ATP8A2: variants seen among roughly 807,000 people sequenced by gnomAD.
The protein encoded by ATP8A2 is phospholipid-transporting ATPase IB.
In ATP8A2, 100 loss-of-function variants were observed where a neutral mutation model predicts 165.6. The observed-to-expected ratio is 0.60, with a 90% CI of 0.51 to 0.71. The LOEUF is 0.71. Ranked by LOEUF, ATP8A2 falls within the 30% of genes least tolerant of loss-of-function variation. ATP8A2 has a pLI of 0.00. For missense variants in ATP8A2, 1,227 were observed against 1,479.5 expected, an observed-to-expected ratio of 0.83 and a Z score of 2.80; for synonymous variants, 543 against 548.8, an observed-to-expected ratio of 0.99 and a Z score of 0.15.
chr13:25,752,433 G>C (rs1731868553), intron 25 of ATP8A2, among the ~76,000 whole-genome samples: 1 of 152,006 alleles, frequency 6.6e-6, no homozygotes, highest in African/African-American at 2.4e-5. Flanking sequence ...ACTCCAGCCG[G>C]GGCGACAGAG....
chr13:25,667,760 T>C (rs764312552), intron 24 of ATP8A2, among the ~76,000 whole-genome samples: 3 of 151,088 alleles, frequency 2.0e-5, no homozygotes, highest in Non-Finnish European at 4.4e-5. Flanking sequence ...TAATACTGCT[T>C]TCTTTTGTGT....
At chr13:25,383,379 A>ACTTTG (rs2032925238) in intron 1 of ATP8A2, among the ~76,000 whole-genome samples, 1 of 152,238 alleles carries the variant, frequency 6.6e-6, no homozygotes, top group African/African-American at 2.4e-5. Context: ...CTGGGATTAC[A>ACTTTG]GGCGTGTGCC....
Position 25,429,021 on chromosome 13 carries a change from T to C in ATP8A2, c.77-39956T>C, listed in dbSNP as rs540714498. ...AGGGAGGCTGAAGATTCCTAAGAGA[T>C]AGTGAGTGCTATCTGCTGCCATACC... On this transcript the variant is annotated intron_variant, in intron 1 of 36. Coordinates refer to ENST00000381655, the MANE Select transcript of ATP8A2 (RefSeq NM_016529.6). Among the ~76,000 whole-genome samples, 8 of 151,556 alleles carry C rather than the reference T, an allele frequency of 5.3e-5. No individual in the cohort carries two copies. In the East Asian group the frequency reaches 9.7e-4, roughly 18 times the overall value.
At chr13:25,594,625 T>A (rs1488511712) in intron 24 of ATP8A2, among the ~76,000 whole-genome samples, 1 of 152,142 alleles carries the variant, frequency 6.6e-6, no homozygotes, top group East Asian at 1.9e-4. Context: ...TGCCTTTGCA[T>A]CCTCATAGCT....
intron 2 of ATP8A2, among the ~76,000 whole-genome samples, chr13:25,527,613 C>G (rs1258676264): frequency 5.3e-5 from 8 of 152,192 alleles, no homozygotes; most frequent in South Asian, 2.1e-4. Context: ...CATGCTTACT[C>G]TATCTCAGGA....
chr13:25,877,056 C>T (rs1312151872), intron 33 of ATP8A2, among the ~76,000 whole-genome samples: 1 of 150,976 alleles, frequency 6.6e-6, no homozygotes, highest in Non-Finnish European at 1.5e-5. Context: ...ATCCTTTTTT[C>T]CCCTCAATGT....
At chr13:25,979,756 C>G (rs1956140504) in intron 35 of ATP8A2, among the ~76,000 whole-genome samples, 1 of 152,158 alleles carries the variant, frequency 6.6e-6, no homozygotes, top group Admixed American at 6.5e-5. Context: ...TAGTGGGAGA[C>G]AGTGAGTGGT....
intron 25 of ATP8A2, among the ~76,000 whole-genome samples, chr13:25,723,725 G>A (rs1033650792): frequency 1.3e-5 from 2 of 152,070 alleles, no homozygotes; most frequent in African/African-American, 4.8e-5. Flanking sequence ...TCCAGTCCAA[G>A]ATGGCGCCAG....
intron 33 of ATP8A2, among the ~76,000 whole-genome samples, chr13:25,908,579 C>A (rs1954014705): frequency 6.6e-6 from 1 of 152,082 alleles, no homozygotes; most frequent in South Asian, 2.1e-4. Context: ...GTGCACTCCA[C>A]AAATTCCAGA....
At chr13:25,506,949 A>ATATATATATATATATAT (rs1411853912) in intron 2 of ATP8A2, among the ~76,000 whole-genome samples, 5 of 146,974 alleles carry the variant, frequency 3.4e-5, no homozygotes, top group Non-Finnish European at 7.5e-5. Context: ...ACATATATAT[A>ATATATATATATATATAT]TATATATATA....
chr13:25,892,571 A>C (rs1220773966), intron 33 of ATP8A2, among the ~76,000 whole-genome samples: 3 of 141,106 alleles, frequency 2.1e-5, no homozygotes, highest in Non-Finnish European at 4.5e-5. Flanking sequence ...GAAACAACAA[A>C]TGGAAACACC....
At chr13:25,538,162 C>A in intron 7 of ATP8A2, 101 bp downstream of exon 7, 1 of 714,322 alleles carries the variant, frequency 1.4e-6, no homozygotes. Context: ...TCCCTTCTAC[C>A]ATCCTCTCTC....
intron 9 of ATP8A2, 60 bp downstream of exon 9, chr13:25,542,106 T>G: frequency 2.0e-6 from 3 of 1,493,652 alleles, no homozygotes; most frequent in Non-Finnish European, 2.8e-6. Context: ...TACTGGAGCT[T>G]TGGAAAATAT....
At chr13:25,764,987 T>A (rs2044461298) in intron 25 of ATP8A2, among the ~76,000 whole-genome samples, 1 of 152,200 alleles carries the variant, frequency 6.6e-6, no homozygotes, top group African/African-American at 2.4e-5. Flanking sequence ...AGAGCAGGGT[T>A]TATGTATATC....
At chr13:25,399,896 T>G (rs111684765) in intron 1 of ATP8A2, among the ~76,000 whole-genome samples, 844 of 37,094 alleles carry the variant, frequency 0.023, 9 homozygotes, top group African/African-American at 0.068. Context: ...CTCCTCCTCC[T>G]CTTATTCTTC....
intron 1 of ATP8A2, among the ~76,000 whole-genome samples, chr13:25,419,854 G>C (rs1260975416): frequency 1.3e-5 from 2 of 152,310 alleles, no homozygotes; most frequent in African/African-American, 4.8e-5. Context: ...GGTCAGGAAA[G>C]AGTGCTCTGC....
chr13:25,562,602 C>T (rs1419275596), intron 15 of ATP8A2, among the ~76,000 whole-genome samples: 2 of 152,208 alleles, frequency 1.3e-5, no homozygotes, highest in African/African-American at 4.8e-5. Flanking sequence ...TTCTAGTTTC[C>T]TGCCAAGGGC....
At chr13:25,945,448 G>A (rs1234125033) in intron 33 of ATP8A2, among the ~76,000 whole-genome samples, 1 of 152,150 alleles carries the variant, frequency 6.6e-6, no homozygotes, top group Non-Finnish European at 1.5e-5. Context: ...AAATTAGAAA[G>A]CATTGTTTTA....
chr13:25,876,450 C>T (rs1952821469), intron 33 of ATP8A2, among the ~76,000 whole-genome samples: 1 of 152,036 alleles, frequency 6.6e-6, no homozygotes, highest in Non-Finnish European at 1.5e-5. Flanking sequence ...TGATTGATAA[C>T]GGGAGGACGA....
Sources: allele counts gnomAD v4.1 joint callset (sites outside exome capture counted in the v4.1 genomes callset), GRCh38; gene constraint gnomAD v4.1.1; transcripts MANE v1.5; gene names NCBI Gene and HGNC (gene_info 2026-07-23, HGNC 2026-07-21).